Variants in DTD1 observed in about 807,000 individuals in gnomAD.
The protein encoded by DTD1 is D-aminoacyl-tRNA deacylase 1, also known as D-tyrosyl-tRNA deacylase 1 homolog.
In DTD1, 13 loss-of-function variants were observed where a neutral mutation model predicts 25.6. The observed-to-expected ratio is 0.51, with a 90% confidence interval of 0.33 to 0.81. The LOEUF is 0.81. DTD1 is among the 30% of genes least tolerant of loss of function. The pLI, the probability that DTD1 is intolerant of heterozygous loss-of-function variation, is 0.02. For missense variants in DTD1, 193 were observed against 266.4 expected, an observed-to-expected ratio of 0.72 and a Z score of 1.92; for synonymous variants, 110 against 103.6, an observed-to-expected ratio of 1.06 and a Z score of -0.37.
At position 18,760,292 on chromosome 20, in the gene DTD1, T is replaced by G. The variant is rs139875281; in HGVS notation, c.*20-3068T>G. Among the ~76,000 whole-genome samples the G allele has an allele frequency of 2.6e-5, 4 of 152,328 alleles. No individual in the cohort carries two copies. The East Asian group carries it at 7.7e-4, about 29-fold the overall frequency. On this transcript the variant is annotated intron_variant, in intron 5 of 5. Coordinates refer to ENST00000377452, the MANE Select transcript of DTD1 (RefSeq NM_080820.6). ...ATTGCTGGTGAGGAGCTGCATTCTT[T>G]TGGAGGAGGAGAGGTGCTCTGATTT...
chr20:18,724,656 A>T (rs1228781956), intron 4 of DTD1, among the ~76,000 whole-genome samples: 4 of 152,268 alleles, frequency 2.6e-5, no homozygotes, highest in Non-Finnish European at 5.9e-5. Context: ...TTTGTAACCT[A>T]GAATGTGATT....
At chr20:18,727,224 C>CG (rs1298587854) in intron 4 of DTD1, among the ~76,000 whole-genome samples, 1 of 152,142 alleles carries the variant, frequency 6.6e-6, no homozygotes, top group East Asian at 1.9e-4. Context: ...CCACGGCTCC[C>CG]GGGGGTGAGG....
intron 4 of DTD1, among the ~76,000 whole-genome samples, chr20:18,653,847 A>G (rs905548093): frequency 4.6e-5 from 7 of 152,238 alleles, no homozygotes; most frequent in African/African-American, 1.4e-4. Context: ...ACATTTGAGA[A>G]CAAACAGTTT....
chr20:18,676,994 C>T (rs972671851), intron 4 of DTD1, among the ~76,000 whole-genome samples: 1 of 152,202 alleles, frequency 6.6e-6, no homozygotes, highest in East Asian at 1.9e-4. Context: ...CTGCCTCCCA[C>T]CCCCTAAAAA....
intron 4 of DTD1, among the ~76,000 whole-genome samples, chr20:18,737,259 C>T (rs561601116): frequency 2.1e-5 from 3 of 141,788 alleles, no homozygotes; most frequent in Admixed American, 7.0e-5. Context: ...CCATCTGCCA[C>T]GGTGTGCCTG....
intron 3 of DTD1, among the ~76,000 whole-genome samples, chr20:18,618,992 C>T (rs1600322879): frequency 2.0e-5 from 3 of 152,054 alleles, no homozygotes; most frequent in Admixed American, 1.3e-4. Context: ...GGATCACAGG[C>T]GTGAGTCACC....
chr20:18,713,773 A>T (rs951795718), intron 4 of DTD1, among the ~76,000 whole-genome samples: 2 of 152,212 alleles, frequency 1.3e-5, no homozygotes, highest in African/African-American at 4.8e-5. Context: ...TGAAGGCTGC[A>T]CTGAAGACCA....
intron 3 of DTD1, among the ~76,000 whole-genome samples, chr20:18,618,521 A>C (rs144622477): frequency 0.014 from 2,120 of 151,080 alleles, 37 homozygotes; most frequent in African/African-American, 0.039. Flanking sequence ...TTCCCAGCTA[A>C]TATAGATATA....
rs1033468533 is a variant in DTD1 at position 18,690,133 on chromosome 20, C to G, written c.478-53967C>G. On this transcript the variant is annotated intron_variant, in intron 4 of 5. Coordinates refer to ENST00000377452, the MANE Select transcript of DTD1 (RefSeq NM_080820.6). ...CCTGGGTGACAGAGCAAGACCCTGT[C>G]TCTAAAAAAAAAAAAAAAAAATTAA... Among the ~76,000 whole-genome samples the G allele has an allele frequency of 6.3e-4, 58 of 91,574 alleles. 2 individuals carry two copies. Among genetic ancestry groups the G allele is most frequent in the Non-Finnish European group, 7.8e-5 (3 of 38,566 alleles). The allele number at this position is 91,574 out of a possible 152,430, so 60.1% of individuals were successfully genotyped here. A position where few individuals can be genotyped will look rare whatever the true frequency, so the allele number is the denominator to read the frequency against.
intron 3 of DTD1, among the ~76,000 whole-genome samples, chr20:18,617,171 A>T (rs1028293008): frequency 1.3e-5 from 2 of 152,108 alleles, no homozygotes; most frequent in Non-Finnish European, 2.9e-5. Context: ...ATACAGGCAT[A>T]GGTAGAAAGA....
Position 18,599,299 on chromosome 20 carries a change from C to T in DTD1, c.370+3058C>T, listed in dbSNP as rs141171578. 5.6e-3 allele frequency among the ~76,000 whole-genome samples: 852 copies of T among 152,126 alleles called. 6 individuals carry two copies. The highest frequency in any genetic ancestry group is 0.019 in the African/African-American group (799 of 41,508). On this transcript the variant is annotated intron_variant, in intron 3 of 5. Coordinates refer to ENST00000377452, the MANE Select transcript of DTD1 (RefSeq NM_080820.6). ...AAGCGATTCTCCTGCCTCAGCCTTC[C>T]GAGTAGCTGGGATTACAGGTGCGTG...
intron 4 of DTD1, among the ~76,000 whole-genome samples, chr20:18,723,964 G>C (rs1381852227): frequency 6.6e-6 from 1 of 152,148 alleles, no homozygotes; most frequent in East Asian, 1.9e-4. Context: ...TAAGTGTGTT[G>C]GCTTCCCTCA....
intron 4 of DTD1, chr20:18,698,810 T>C (rs573833805): frequency 1.7e-4 from 26 of 152,324 alleles, no homozygotes; most frequent in African/African-American, 6.0e-4. Context: ...AATAGGAACA[T>C]TTGATTTTCT....
intron 3 of DTD1, among the ~76,000 whole-genome samples, chr20:18,599,220 G>A (rs12625771): frequency 0.15 from 22,133 of 152,042 alleles, 1,727 homozygotes; most frequent in Admixed American, 0.2. Flanking sequence ...TGTTGCCCAG[G>A]CTGGAGTGCA....
intron 3 of DTD1, among the ~76,000 whole-genome samples, chr20:18,627,282 G>A (rs985614935): frequency 1.3e-5 from 2 of 152,218 alleles, no homozygotes; most frequent in African/African-American, 4.8e-5. Context: ...TTGTGAGGTT[G>A]TGGTGGCAGG....
At chr20:18,588,613 C>T in intron 1 of DTD1, 1 of 463,736 alleles carries the variant, frequency 2.2e-6, no homozygotes, top group Non-Finnish European at 2.8e-6. Flanking sequence ...AGAGTTGCTC[C>T]TTGGGCTGAG....
intron 3 of DTD1, among the ~76,000 whole-genome samples, chr20:18,614,098 C>T (rs2060699357): frequency 6.6e-6 from 1 of 152,172 alleles, no homozygotes; most frequent in South Asian, 2.1e-4. Flanking sequence ...AGCCACTGCA[C>T]CCAGCCTATT....
intron 4 of DTD1, among the ~76,000 whole-genome samples, chr20:18,653,985 A>G (rs562436730): frequency 6.6e-6 from 1 of 152,346 alleles, no homozygotes; most frequent in Non-Finnish European, 1.5e-5. Flanking sequence ...TCCCAATAGA[A>G]AACAGTCTTT....
At chr20:18,731,345 T>C (rs183676278) in intron 4 of DTD1, among the ~76,000 whole-genome samples, 23 of 152,350 alleles carry the variant, frequency 1.5e-4, no homozygotes, top group Admixed American at 3.9e-4. Context: ...TTCTGAATCA[T>C]TAGTTTGGTT....
Sources: gnomAD v4.1 joint callset for allele counts (sites outside exome capture counted in the v4.1 genomes callset) on GRCh38, gnomAD v4.1.1 for gene constraint, MANE v1.5 for transcripts, NCBI Gene and HGNC (gene_info 2026-07-23, HGNC 2026-07-21) for gene names.